COL26A1: variants seen among roughly 807,000 people sequenced by gnomAD.
COL26A1 encodes the protein collagen type XXVI alpha 1 chain.
In COL26A1, 41 loss-of-function variants were observed where a neutral mutation model predicts 59.3. That is an observed-to-expected ratio of 0.69 (90% CI 0.54 to 0.90). The LOEUF is 0.90. Among genes scored for constraint, COL26A1 ranks in the 40% least tolerant of loss-of-function variants. The pLI is 0.00. For synonymous variants in COL26A1, 266 were observed against 256.0 expected, an observed-to-expected ratio of 1.04 and a Z score of -0.37; for missense variants, 612 against 602.3, an observed-to-expected ratio of 1.02 and a Z score of -0.17.
intron 1 of COL26A1, chr7:101,388,969 C>A: frequency 3.4e-6 from 1 of 292,316 alleles, no homozygotes; most frequent in South Asian, 4.0e-5. Context: ...ATTCCTCTGA[C>A]AAGGACAGGA....
chr7:101,484,689 G>A (rs187138545), intron 3 of COL26A1, among the ~76,000 whole-genome samples: 28 of 151,452 alleles, frequency 1.8e-4, no homozygotes, highest in Admixed American at 6.6e-4. Flanking sequence ...ATTTTTAGAT[G>A]GAGTCTTGCT....
chr7:101,423,117 T>C (rs1282078922), intron 2 of COL26A1, among the ~76,000 whole-genome samples: 2 of 151,940 alleles, frequency 1.3e-5, no homozygotes, highest in East Asian at 3.9e-4. Context: ...ATACGAAAAT[T>C]AGCCAGGTGT....
intron 3 of COL26A1, among the ~76,000 whole-genome samples, chr7:101,451,707 C>CTTT (rs60481013): frequency 2.2e-5 from 3 of 139,158 alleles, no homozygotes; most frequent in African/African-American, 7.9e-5. Context: ...TCATTTGCAT[C>CTTT]TTTTTTTTTT....
chr7:101,421,061 G>A (rs1435606412), intron 2 of COL26A1, among the ~76,000 whole-genome samples: 1 of 152,072 alleles, frequency 6.6e-6, no homozygotes, highest in African/African-American at 2.4e-5. Context: ...CCTCCCTAAC[G>A]GGACATTTTG....
chr7:101,501,217 G>GAAAAAAAAAAAAAAA (rs111556828), intron 3 of COL26A1, among the ~76,000 whole-genome samples: 6 of 112,998 alleles, frequency 5.3e-5, no homozygotes, highest in East Asian at 3.1e-4. Flanking sequence ...GAAAAGAAAA[G>GAAAAAAAAAAAAAAA]AAAAAAAAAA....
chr7:101,548,863 G>A (rs567195604), intron 8 of COL26A1, among the ~76,000 whole-genome samples: 1 of 152,248 alleles, frequency 6.6e-6, no homozygotes, highest in South Asian at 2.1e-4. Context: ...GGGACCAACT[G>A]GCTGGGGCGT....
chr7:101,527,406 A>T (rs1362469145), intron 3 of COL26A1, among the ~76,000 whole-genome samples: 3 of 149,754 alleles, frequency 2.0e-5, no homozygotes, highest in Non-Finnish European at 4.5e-5. Context: ...CGGCTCACTG[A>T]AACCTCTGCC....
chr7:101,394,026 C>T lies in COL26A1; in HGVS notation c.159-25951C>T, dbSNP rs762125354. Among the ~76,000 whole-genome samples, 86 of 151,924 alleles carry T rather than the reference C, an allele frequency of 5.7e-4. 2 individuals carry two copies. Among genetic ancestry groups the T allele is most frequent in the Non-Finnish European group, 1.9e-4 (13 of 67,998 alleles). ...CTTCTGGCCTCAAGTAGCCCTCCTGCGTAAGCCTCCCAAAGTGCTGGGATT... is the reference window on the plus strand; with the variant it reads ...CTTCTGGCCTCAAGTAGCCCTCCTGTGTAAGCCTCCCAAAGTGCTGGGATT... On this transcript the variant is annotated intron_variant, in intron 1 of 12. Transcript: ENST00000313669.
intron 1 of COL26A1, among the ~76,000 whole-genome samples, chr7:101,391,053 T>C (rs896880299): frequency 1.3e-5 from 2 of 152,192 alleles, no homozygotes; most frequent in Admixed American, 1.3e-4. Flanking sequence ...AGCCGCTGCC[T>C]GGCTGTGGTA....
chr7:101,452,357 A>G (rs1351104994), intron 3 of COL26A1, among the ~76,000 whole-genome samples: 1 of 152,156 alleles, frequency 6.6e-6, no homozygotes, highest in Non-Finnish European at 1.5e-5. Context: ...TCAATAGAGG[A>G]GGCAGAAGTG....
At chr7:101,442,244 C>T (rs374798803) in intron 2 of COL26A1, among the ~76,000 whole-genome samples, 2 of 151,038 alleles carry the variant, frequency 1.3e-5, no homozygotes, top group Admixed American at 1.3e-4. Context: ...CAAAAGCTCT[C>T]CTCTGTCCAA....
At chr7:101,373,598 G>A (rs1182010456) in intron 1 of COL26A1, among the ~76,000 whole-genome samples, 2 of 152,112 alleles carry the variant, frequency 1.3e-5, no homozygotes, top group African/African-American at 2.4e-5. Flanking sequence ...CTCAGTGCAC[G>A]TTTGCAGTTC....
intron 1 of COL26A1, among the ~76,000 whole-genome samples, chr7:101,401,752 AGGAAGAGGAGGAGGG>A: frequency 7.3e-6 from 1 of 137,842 alleles, no homozygotes. Context: ...GAGGAAGAGG[AGGAAGAGGAGGAGGG>A]AGAAGAGGAG....
chr7:101,473,356 G>A (rs1374174091), intron 3 of COL26A1, among the ~76,000 whole-genome samples: 1 of 152,040 alleles, frequency 6.6e-6, no homozygotes, highest in Non-Finnish European at 1.5e-5. Context: ...GATTACAGGC[G>A]TGAGCCACTG....
intron 3 of COL26A1, among the ~76,000 whole-genome samples, chr7:101,519,550 T>C (rs1795097537): frequency 6.6e-6 from 1 of 152,224 alleles, no homozygotes; most frequent in African/African-American, 2.4e-5. Flanking sequence ...ACAGGCTTCC[T>C]GCTCTATGCA....
chr7:101,526,604 G>A (rs1795252846), intron 3 of COL26A1, among the ~76,000 whole-genome samples: 1 of 152,164 alleles, frequency 6.6e-6, no homozygotes, highest in Admixed American at 6.5e-5. Context: ...CCCCTCTCAG[G>A]GCCCAGGCCT....
intron 1 of COL26A1, among the ~76,000 whole-genome samples, chr7:101,410,848 G>A (rs746128066): frequency 9.9e-5 from 15 of 151,940 alleles, no homozygotes; most frequent in South Asian, 2.1e-4. Context: ...CAGGCATGAG[G>A]CACCACACCC....
intron 4 of COL26A1, among the ~76,000 whole-genome samples, chr7:101,535,100 G>A (rs1176593090): frequency 6.6e-6 from 1 of 152,116 alleles, no homozygotes; most frequent in Non-Finnish European, 1.5e-5. Context: ...TTCCATGGGC[G>A]GGCAGGGTCT....
At chr7:101,378,879 G>T (rs1037274268) in intron 1 of COL26A1, among the ~76,000 whole-genome samples, 1 of 151,880 alleles carries the variant, frequency 6.6e-6, no homozygotes, top group Non-Finnish European at 1.5e-5. Context: ...TCTTTTCCCC[G>T]GGGAGTTGTC....
Sources: gnomAD v4.1 joint callset for allele counts (sites outside exome capture counted in the v4.1 genomes callset) on GRCh38, gnomAD v4.1.1 for gene constraint, MANE v1.5 for transcripts, NCBI Gene and HGNC (gene_info 2026-07-23, HGNC 2026-07-21) for gene names.